The following INPP5A variants were observed in gnomAD, a reference collection of about 807,000 sequenced individuals.
INPP5A encodes the protein 43 kDa inositol polyphosphate 5-phophatase.
In INPP5A, 14 loss-of-function variants were observed where a neutral mutation model predicts 65.2. The ratio of observed to expected loss-of-function variants is 0.21; its 90% CI spans 0.14 to 0.34. The LOEUF (loss-of-function observed/expected upper bound fraction) is 0.34. Ranked by LOEUF, INPP5A falls within the 10% of genes least tolerant of loss-of-function variation. The pLI, the probability that INPP5A is intolerant of heterozygous loss-of-function variation, is 1.00. For missense variants in INPP5A, 431 were observed against 545.6 expected (o/e 0.79, Z 2.09); for synonymous variants, 207 against 208.3 (o/e 0.99, Z 0.05).
At position 132,609,064 on chromosome 10, in the gene INPP5A, C is replaced by T. The variant is rs576226646; in HGVS notation, c.117+1108C>T. ...CATCCAAGTCCCCCCATAGGGACAACGGCGTGTGTGTGCACGTGTGTGCGC... is the reference window on the plus strand; with the variant it reads ...CATCCAAGTCCCCCCATAGGGACAATGGCGTGTGTGTGCACGTGTGTGCGC... On this transcript the variant is annotated intron_variant, in intron 2 of 15. Transcript: ENST00000368594. Among the ~76,000 whole-genome samples, 345 of 152,304 alleles carry T rather than the reference C, an allele frequency of 2.3e-3. 4 individuals carry two copies. Among genetic ancestry groups the T allele is most frequent in the Middle Eastern group, 3.4e-3 (1 of 294 alleles).
intron 8 of INPP5A, among the ~76,000 whole-genome samples, chr10:132,726,575 C>G (rs1845988797): frequency 6.6e-6 from 1 of 152,238 alleles, no homozygotes; most frequent in African/African-American, 2.4e-5. Flanking sequence ...TTTCCTCTTC[C>G]TCCATGTCGC....
At chr10:132,771,754 A>AG (rs1565011537) in intron 12 of INPP5A, among the ~76,000 whole-genome samples, 94 of 22,792 alleles carry the variant, frequency 4.1e-3, no homozygotes, top group Admixed American at 5.8e-3. Context: ...CAGAGGCCAC[A>AG]GCAGCCACCC....
chr10:132,768,568 C>T (rs1846895386), intron 12 of INPP5A, among the ~76,000 whole-genome samples: 1 of 152,244 alleles, frequency 6.6e-6, no homozygotes, highest in African/African-American at 2.4e-5. Context: ...GCCTCACACT[C>T]TTCCCCGTGC....
At chr10:132,588,887 C>G (rs1564925999) in intron 1 of INPP5A, among the ~76,000 whole-genome samples, 1 of 141,204 alleles carries the variant, frequency 7.1e-6, no homozygotes, top group Non-Finnish European at 1.5e-5. Context: ...TCATGGTGGT[C>G]ACTGTTTCTT....
At chr10:132,733,801 G>A (rs1236017085) in intron 9 of INPP5A, among the ~76,000 whole-genome samples, 1 of 152,228 alleles carries the variant, frequency 6.6e-6, no homozygotes, top group Non-Finnish European at 1.5e-5. Flanking sequence ...CACCTGAACA[G>A]GCTGATTTCA....
Position 132,782,250 on chromosome 10 carries a change from G to T in INPP5A, c.*221G>T, listed in dbSNP as rs935918845. The stretch of plus-strand genomic sequence containing the variant: ...TATGTGACATTAAGTAGAAATATTG[G>T]TTTTTTTTTTTTTTTTTTAAATAAG... On this transcript the variant is annotated 3_prime_UTR_variant, in exon 16 of 16. Coordinates refer to ENST00000368594, the MANE Select transcript of INPP5A (RefSeq NM_005539.5). The surrounding 1 kb of genome is among the most constrained non-coding windows in gnomAD (Gnocchi z 4.4). 1.6e-4 allele frequency: 53 copies of T among 335,782 alleles called. No homozygotes were observed. Among genetic ancestry groups the T allele is most frequent in the South Asian group, 5.3e-4 (22 of 41,816 alleles). 20.8% of individuals were successfully genotyped at this position (335,782 alleles called of 1,614,324 possible).
intron 1 of INPP5A, among the ~76,000 whole-genome samples, chr10:132,596,973 A>C (rs950806293): frequency 4.0e-4 from 53 of 133,784 alleles, no homozygotes; most frequent in Non-Finnish European, 6.4e-4. Flanking sequence ...GCGTGTGTGC[A>C]TGCGTGTGTG....
intron 12 of INPP5A, among the ~76,000 whole-genome samples, chr10:132,767,104 C>T (rs1846861208): frequency 9.8e-6 from 1 of 101,832 alleles, no homozygotes; most frequent in Non-Finnish European, 1.9e-5. Context: ...CTGGAGGATG[C>T]GGCCTCGGAG....
Position 132,727,057 on chromosome 10 carries a change from G to A in INPP5A, c.732+152G>A. 2.0e-6 allele frequency: 1 copy of A among 508,394 alleles called. No homozygotes were observed. Among genetic ancestry groups the A allele is most frequent in the Non-Finnish European group, 3.4e-6 (1 of 290,734 alleles). 31.5% of individuals were successfully genotyped at this position (508,394 alleles called of 1,614,324 possible). The stretch of plus-strand genomic sequence containing the variant: ...GCAAAACCTTTCAATGAAGAAGCAT[G>A]TTTTGCTGTCGGCAGAGGGATCCGT... On this transcript the variant is annotated intron_variant, in intron 9 of 15. Transcript: ENST00000368594. This position sits in a 1 kb window ranked among gnomAD's most constrained non-coding sequence, Gnocchi z 6.5.
chr10:132,681,145 T>A (rs2073038585), intron 4 of INPP5A, among the ~76,000 whole-genome samples: 1 of 152,162 alleles, frequency 6.6e-6, no homozygotes, highest in African/African-American at 2.4e-5. Flanking sequence ...GCAGAACCTT[T>A]GTATCTAGCT....
intron 9 of INPP5A, among the ~76,000 whole-genome samples, chr10:132,738,554 G>A (rs762090819): frequency 1.2e-4 from 19 of 152,208 alleles, no homozygotes; most frequent in South Asian, 6.2e-4. Flanking sequence ...GAGGGTGCCC[G>A]GCATGGTGCT....
chr10:132,645,793 G>A (rs746573406), intron 2 of INPP5A, 75 bp from the exon 3 acceptor site: 16 of 1,141,124 alleles, frequency 1.4e-5, no homozygotes, highest in Admixed American at 4.0e-5. Context: ...CTGTGGGGGC[G>A]GTGGAGGGGG....
At chr10:132,746,909 C>T (rs1846380441) in intron 9 of INPP5A, among the ~76,000 whole-genome samples, 1 of 152,238 alleles carries the variant, frequency 6.6e-6, no homozygotes, top group Non-Finnish European at 1.5e-5. Context: ...GCCCCTTCAG[C>T]CTGGCCTGAT....
rs4880274 is a variant in INPP5A at position 132,741,796 on chromosome 10, A to C, written c.733-7721A>C. On this transcript the variant is annotated intron_variant, in intron 9 of 15. Transcript: ENST00000368594. This position sits in a 1 kb window ranked among gnomAD's most constrained non-coding sequence, Gnocchi z 4.4. ...GTGTCCGCGTCCGCTTGCTTTACTCAATAGCCGACGTAAACTGAGGTGGAC... is the reference window on the plus strand; with the variant it reads ...GTGTCCGCGTCCGCTTGCTTTACTCCATAGCCGACGTAAACTGAGGTGGAC... Among the ~76,000 whole-genome samples, 9 of 80,386 alleles carry C rather than the reference A, an allele frequency of 1.1e-4. No homozygotes were observed. The highest frequency in any genetic ancestry group is 1.6e-4 in the Admixed American group (1 of 6,428). The allele number at this position is 80,386 out of a possible 152,430, so 52.7% of individuals were successfully genotyped here. A position where few individuals can be genotyped will look rare whatever the true frequency, so the allele number is the denominator to read the frequency against.
rs760827841 is a variant in INPP5A, at chr10:132,707,271, G to A, written c.475-1042G>A. Among the ~76,000 whole-genome samples the A allele has an allele frequency of 2.6e-5, 4 of 152,160 alleles. No homozygotes were observed. Among genetic ancestry groups the A allele is most frequent in the South Asian group, 2.1e-4 (1 of 4,826 alleles). On this transcript the variant is annotated intron_variant, in intron 6 of 15. Coordinates refer to ENST00000368594, the MANE Select transcript of INPP5A (RefSeq NM_005539.5). This position sits in a 1 kb window ranked among gnomAD's most constrained non-coding sequence, Gnocchi z 5.5. ...CCTGTCCACCTCCGCCCCCGATGGCGCCAGGCATATGGCTGCTGCTGGGAA... is the reference window on the plus strand; with the variant it reads ...CCTGTCCACCTCCGCCCCCGATGGCACCAGGCATATGGCTGCTGCTGGGAA...
chr10:132,574,875 T>G lies in INPP5A; in HGVS notation c.76-33040T>G, dbSNP rs765113891. The stretch of plus-strand genomic sequence containing the variant: ...CTGGAATGTGGTTTCTGTGAGAGCC[T>G]TCCGGAAGCTCTGGGGAGGTGCTTG... On this transcript the variant is annotated intron_variant, in intron 1 of 15. Coordinates refer to ENST00000368594, the MANE Select transcript of INPP5A (RefSeq NM_005539.5). 4.7e-4 allele frequency among the ~76,000 whole-genome samples: 72 copies of G among 152,174 alleles called. No individual in the cohort carries two copies. The Middle Eastern group carries it at 0.024, about 50-fold the overall frequency.
chr10:132,560,032 C>T (rs1471237351), intron 1 of INPP5A, among the ~76,000 whole-genome samples: 1 of 152,138 alleles, frequency 6.6e-6, no homozygotes, highest in Non-Finnish European at 1.5e-5. Context: ...TGTGGAGTTG[C>T]TGTGTGAACA....
At chr10:132,775,376 T>C (rs1304327740) in intron 12 of INPP5A, among the ~76,000 whole-genome samples, 1 of 151,928 alleles carries the variant, frequency 6.6e-6, no homozygotes, top group East Asian at 1.9e-4. Context: ...CCCACATGCC[T>C]GGCACTCCCA....
chr10:132,738,015 A>G (rs1249503809), intron 9 of INPP5A, among the ~76,000 whole-genome samples: 2 of 152,228 alleles, frequency 1.3e-5, no homozygotes, highest in Non-Finnish European at 2.9e-5. Context: ...AAAAGAAGAC[A>G]AAAAACAAAA....
Sources: gnomAD v4.1 joint callset for allele counts (sites outside exome capture counted in the v4.1 genomes callset) on GRCh38, gnomAD v4.1.1 for gene constraint, Gnocchi (gnomAD v3.1) non-coding constraint, MANE v1.5 for transcripts, NCBI Gene and HGNC (gene_info 2026-07-23, HGNC 2026-07-21) for gene names.